Variants in CARM1 observed in about 807,000 individuals in gnomAD.
CARM1 encodes histone-arginine methyltransferase CARM1.
In CARM1, 14 loss-of-function variants were observed where a neutral mutation model predicts 72.7. That is an observed-to-expected ratio of 0.19 (90% CI 0.13 to 0.30). CARM1 has a LOEUF of 0.30. CARM1 is among the 10% of genes least tolerant of loss of function. CARM1 has a pLI of 1.00. For missense variants in CARM1, 432 were observed against 833.7 expected, an observed-to-expected ratio of 0.52 and a Z score of 5.93; for synonymous variants, 333 against 345.5, an observed-to-expected ratio of 0.96 and a Z score of 0.40.
chr19:10,889,769 G>A (rs1722457576), intron 1 of CARM1, among the ~76,000 whole-genome samples: 1 of 152,136 alleles, frequency 6.6e-6, no homozygotes, highest in Admixed American at 6.6e-5. Flanking sequence ...CAGCAGAAGA[G>A]GTGGCTGTTT....
chr19:10,873,317 T>C (rs2073834450), intron 1 of CARM1, among the ~76,000 whole-genome samples: 1 of 152,038 alleles, frequency 6.6e-6, no homozygotes, highest in Non-Finnish European at 1.5e-5. Context: ...AAAAAATTTT[T>C]TTAGGACCAG....
Position 10,908,092 on chromosome 19 carries a change from C to G in CARM1, c.400C>G (p.Arg134Gly). ...LKTCRGHTLERSVFSERTEES... is the reference protein window; with the variant it reads ...LKTCRGHTLEGSVFSERTEES... ...AACCTGCCGGGGCCACACCCTGGAG[C>G]GGTCTGTGTTCAGCGAGCGGACGGA... The change falls in exon 3 of 16, where the codon CGG (arginine) becomes GGG (glycine). Residue 134 changes from arginine (R) to glycine (G), a missense_variant. Coordinates refer to ENST00000327064, the MANE Select transcript of CARM1 (RefSeq NM_199141.2). 6.2e-7 allele frequency: 1 copy of G among 1,614,058 alleles called. No individual in the cohort carries two copies. The highest frequency in any genetic ancestry group is 2.2e-5 in the East Asian group (1 of 44,880).
rs369202488 is a variant in CARM1, at chr19:10,896,703, C to T, written c.221-8248C>T. 3.3e-5 allele frequency among the ~76,000 whole-genome samples: 5 copies of T among 152,320 alleles called. No individual in the cohort carries two copies. In the South Asian group the frequency reaches 1.0e-3, roughly 32 times the overall value. ...TTTCCCTGCGTTCCTGCACTCTTCC[C>T]CTTACTGGCATATCTGTCCCCAGTC... On this transcript the variant is annotated intron_variant, in intron 1 of 15. Coordinates refer to ENST00000327064, the MANE Select transcript of CARM1 (RefSeq NM_199141.2). This position sits in a 1 kb window ranked among gnomAD's most constrained non-coding sequence, Gnocchi z 5.2.
intron 1 of CARM1, among the ~76,000 whole-genome samples, chr19:10,899,570 C>G (rs1035865693): frequency 7.9e-5 from 12 of 152,060 alleles, no homozygotes; most frequent in African/African-American, 2.4e-4. Flanking sequence ...TTCCTCCATG[C>G]CCTGCCCTCA....
intron 1 of CARM1, among the ~76,000 whole-genome samples, chr19:10,890,795 A>ATATATATATTTT (rs1217665879): frequency 2.1e-5 from 1 of 47,458 alleles, no homozygotes; most frequent in Non-Finnish European, 3.4e-5. Context: ...ATATATATAT[A>ATATATATATTTT]TTTTTTTTTT....
chr19:10,872,463 G>A (rs1399680941), intron 1 of CARM1, among the ~76,000 whole-genome samples: 1 of 152,168 alleles, frequency 6.6e-6, no homozygotes, highest in African/African-American at 2.4e-5. Flanking sequence ...GAGGTGTGGC[G>A]TTCAGGACCC....
Position 10,916,005 on chromosome 19 carries a change from C to T in CARM1, c.848-402C>T, listed in dbSNP as rs535969377. On this transcript the variant is annotated intron_variant, in intron 6 of 15. Transcript: ENST00000327064. This position sits in a 1 kb window ranked among gnomAD's most constrained non-coding sequence, Gnocchi z 4.4. ...GGTAGCCCGGGGCCCACCACCCTCCCTCTGTCCAGAGCAACTTTGCTATGC... is the reference window on the plus strand; with the variant it reads ...GGTAGCCCGGGGCCCACCACCCTCCTTCTGTCCAGAGCAACTTTGCTATGC... Among the ~76,000 whole-genome samples, 1 of 152,372 alleles carries T rather than the reference C, an allele frequency of 6.6e-6. No homozygotes were observed. The highest frequency in any genetic ancestry group is 2.1e-4 in the South Asian group (1 of 4,830).
In CARM1 at chr19:10,916,575, G is replaced by A; in HGVS notation, c.938+78G>A. On this transcript the variant is annotated intron_variant, in intron 7 of 15. Coordinates refer to ENST00000327064, the MANE Select transcript of CARM1 (RefSeq NM_199141.2). This position sits in a 1 kb window ranked among gnomAD's most constrained non-coding sequence, Gnocchi z 4.4. ...ACAGCCCCAGCTCCCCAGAGAGCCT[G>A]CACTCCTCTTTTTCTGAAAGACTTG... 7.1e-7 allele frequency: 1 copy of A among 1,406,628 alleles called. No homozygotes were observed. Among genetic ancestry groups the A allele is most frequent in the Non-Finnish European group, 1.0e-6 (1 of 1,000,988 alleles). The allele number at this position is 1,406,628 out of a possible 1,614,324, so 87.1% of individuals were successfully genotyped here. A position where few individuals can be genotyped will look rare whatever the true frequency, so the allele number is the denominator to read the frequency against.
At chr19:10,904,876 G>A (rs1330922309) in intron 1 of CARM1, 75 bp from the exon 2 acceptor site, 1 of 1,572,624 alleles carries the variant, frequency 6.4e-7, no homozygotes, top group Non-Finnish European at 8.7e-7. Context: ...CAGCAGGAGG[G>A]CGACAGGGAC....
chr19:10,875,075 TG>T (rs2073852907), intron 1 of CARM1, among the ~76,000 whole-genome samples: 1 of 150,528 alleles, frequency 6.6e-6, no homozygotes, highest in Non-Finnish European at 1.5e-5. Flanking sequence ...CAGTGCTGGG[TG>T]TATTAATTTC....
chr19:10,884,947 C>A (rs1464927638), intron 1 of CARM1, among the ~76,000 whole-genome samples: 1 of 152,232 alleles, frequency 6.6e-6, no homozygotes, highest in Non-Finnish European at 1.5e-5. Context: ...CTCAGGTGAT[C>A]CACCAGCCTT....
intron 8 of CARM1, 176 bp from the exon 9 acceptor site, chr19:10,919,419 G>T: frequency 1.7e-6 from 1 of 589,806 alleles, no homozygotes; most frequent in Non-Finnish European, 3.0e-6. Context: ...GCTGTCACCT[G>T]ATTGCCCTCG....
At chr19:10,909,875 A>G (rs1657226187) in intron 4 of CARM1, among the ~76,000 whole-genome samples, 2 of 152,220 alleles carry the variant, frequency 1.3e-5, no homozygotes, top group South Asian at 4.1e-4. Context: ...ACCCCTCAGT[A>G]TGAGGTCTCT....
chr19:10,921,880 T>C lies in CARM1; in HGVS notation c.*123T>C. Reference sequence around the variant, plus strand: ...AACACCCGGTCACAGCTCTCTTTGCTATGGGAACTGGGACACTTTTTTACA... The same window carrying C: ...AACACCCGGTCACAGCTCTCTTTGCCATGGGAACTGGGACACTTTTTTACA... On this transcript the variant is annotated 3_prime_UTR_variant, in exon 16 of 16. Transcript: ENST00000327064. The C allele has an allele frequency of 1.0e-6, 1 of 987,824 alleles. No homozygotes were observed. Among genetic ancestry groups the C allele is most frequent in the Non-Finnish European group, 1.5e-6 (1 of 672,818 alleles). The allele number at this position is 987,824 out of a possible 1,614,324, so 61.2% of individuals were successfully genotyped here. A position where few individuals can be genotyped will look rare whatever the true frequency, so the allele number is the denominator to read the frequency against.
chr19:10,911,431 A>T (rs540877446), intron 4 of CARM1, among the ~76,000 whole-genome samples: 2 of 152,252 alleles, frequency 1.3e-5, no homozygotes, highest in African/African-American at 4.8e-5. Flanking sequence ...TCTGGGAAGG[A>T]CGTCCTCCGT....
In CARM1 at chr19:10,871,797, TC is replaced by T. The variant is rs1324350170; in HGVS notation, c.99del (p.Gly34AlafsTer91). 2.4e-6 allele frequency: 3 copies of T among 1,226,454 alleles called. No individual in the cohort carries two copies. Among genetic ancestry groups the T allele is most frequent in the Non-Finnish European group, 3.1e-6 (3 of 978,218 alleles). The allele number at this position is 1,226,454 out of a possible 1,614,324, so 76.0% of individuals were successfully genotyped here. A position where few individuals can be genotyped will look rare whatever the true frequency, so the allele number is the denominator to read the frequency against. ...GAGPCATVSV[F>X]PGARLLTIGD... ...GGGCCCTGCGCTACCGTGTCGGTGT[TC>T]CCCGGCGCCCGCCTCCTCACCATCG... On this transcript the variant is annotated frameshift_variant, in exon 1 of 16. Coordinates refer to ENST00000327064, the MANE Select transcript of CARM1 (RefSeq NM_199141.2). LOFTEE classifies it high-confidence loss of function. This position sits in a 1 kb window ranked among gnomAD's most constrained non-coding sequence, Gnocchi z 5.6.
chr19:10,899,869 C>T (rs544190384), intron 1 of CARM1, among the ~76,000 whole-genome samples: 3 of 152,096 alleles, frequency 2.0e-5, no homozygotes, highest in African/African-American at 7.2e-5. Context: ...TACAGGCACC[C>T]GCCATCATGC....
At chr19:10,879,734 C>T (rs1349434302) in intron 1 of CARM1, among the ~76,000 whole-genome samples, 1 of 152,150 alleles carries the variant, frequency 6.6e-6, no homozygotes, top group East Asian at 1.9e-4. Context: ...CTGCATCAGA[C>T]TCCCAAGTAG....
intron 2 of CARM1, among the ~76,000 whole-genome samples, chr19:10,906,861 C>CT (rs1267501478): frequency 7.0e-5 from 8 of 114,882 alleles, no homozygotes; most frequent in Admixed American, 3.6e-4. Flanking sequence ...ATAAATATAG[C>CT]TTTATTTTAT....
Sources: allele counts gnomAD v4.1 joint callset (sites outside exome capture counted in the v4.1 genomes callset), GRCh38; gene constraint gnomAD v4.1.1; non-coding constraint Gnocchi (gnomAD v3.1); transcripts MANE v1.5; gene names NCBI Gene and HGNC (gene_info 2026-07-23, HGNC 2026-07-21).